Variants in RAB2A observed in about 807,000 individuals in gnomAD.
RAB2A encodes ras-related protein Rab-2A.
RAB2A carries 7 observed loss-of-function variants against 32.5 expected under a neutral mutation model. The observed-to-expected ratio is 0.22, with a 90% CI of 0.12 to 0.40. RAB2A has a LOEUF of 0.40. Among genes scored for constraint, RAB2A ranks in the 10% least tolerant of loss-of-function variants. RAB2A has a pLI of 1.00. For missense variants in RAB2A, 108 were observed against 260.7 expected (o/e 0.41, Z 4.03); for synonymous variants, 79 against 85.2 (o/e 0.93, Z 0.40).
At chr8:60,527,686 C>T (rs972213212) in intron 1 of RAB2A, among the ~76,000 whole-genome samples, 1 of 152,062 alleles carries the variant, frequency 6.6e-6, no homozygotes, top group Admixed American at 6.5e-5. Flanking sequence ...TAGCACTAAC[C>T]AGTGCAAAAA....
At chr8:60,598,936 G>GAAAAAA (rs1491559470) in intron 6 of RAB2A, among the ~76,000 whole-genome samples, 1 of 3,496 alleles carries the variant, frequency 2.9e-4, no homozygotes, top group African/African-American at 6.6e-4. Context: ...GTGCAGTAAA[G>GAAAAAA]CAAAAAAAAA....
chr8:60,556,840 T>G (rs966624438), intron 1 of RAB2A, among the ~76,000 whole-genome samples: 3 of 152,166 alleles, frequency 2.0e-5, no homozygotes, highest in African/African-American at 7.2e-5. Context: ...TACCAAACTC[T>G]TAGATGATTC....
chr8:60,521,900 G>C (rs547289595), intron 1 of RAB2A, among the ~76,000 whole-genome samples: 23 of 152,306 alleles, frequency 1.5e-4, no homozygotes, highest in Admixed American at 5.9e-4. Context: ...GGGATTACAG[G>C]TGTGAGCCAC....
At chr8:60,565,660 A>G (rs897984413) in intron 2 of RAB2A, among the ~76,000 whole-genome samples, 4 of 143,928 alleles carry the variant, frequency 2.8e-5, no homozygotes, top group African/African-American at 1.0e-4. Context: ...AAGCTCTGAA[A>G]AAGTCTCTGT....
chr8:60,572,937 A>G lies in RAB2A; in HGVS notation c.186+824A>G, dbSNP rs118152200. On this transcript the variant is annotated intron_variant, in intron 3 of 7. Coordinates refer to ENST00000262646, the MANE Select transcript of RAB2A (RefSeq NM_002865.3). ...ATTGTAATGGACACTGTATTTTTCC[A>G]AAACAAACAACTACATTTTTCTAGT... Among the ~76,000 whole-genome samples the G allele has an allele frequency of 4.6e-3, 696 of 152,326 alleles. 1 individual carries two copies. The highest frequency in any genetic ancestry group is 7.8e-3 in the Non-Finnish European group (529 of 68,026).
intron 1 of RAB2A, among the ~76,000 whole-genome samples, chr8:60,544,552 CTTT>C (rs35482452): frequency 8.8e-6 from 1 of 114,144 alleles, no homozygotes; most frequent in Non-Finnish European, 1.7e-5. Context: ...TCCCTAGTGC[CTTT>C]TTTTTTTTTT....
chr8:60,526,764 T>C (rs1040731837), intron 1 of RAB2A, among the ~76,000 whole-genome samples: 1 of 151,718 alleles, frequency 6.6e-6, no homozygotes, highest in Non-Finnish European at 1.5e-5. Context: ...CGCTGAGGAG[T>C]TCGAGACCAG....
chr8:60,570,999 A>G (rs1808189804), intron 2 of RAB2A, among the ~76,000 whole-genome samples: 1 of 152,188 alleles, frequency 6.6e-6, no homozygotes, highest in Admixed American at 6.5e-5. Context: ...CTAAATACTG[A>G]TTGAACATAC....
At chr8:60,527,882 G>A (rs117374023) in intron 1 of RAB2A, among the ~76,000 whole-genome samples, 2,007 of 152,204 alleles carry the variant, frequency 0.013, 28 homozygotes, top group Non-Finnish European at 0.021. Flanking sequence ...ATTTTCTCTA[G>A]AGGCATAACT....
At chr8:60,531,798 ATTTTTT>A (rs11320293) in intron 1 of RAB2A, among the ~76,000 whole-genome samples, 1 of 129,726 alleles carries the variant, frequency 7.7e-6, no homozygotes, top group Non-Finnish European at 1.6e-5. Flanking sequence ...TTCTACCTTG[ATTTTTT>A]TTTTTTTTTT....
At chr8:60,604,736 T>C (rs1346640442) in intron 6 of RAB2A, among the ~76,000 whole-genome samples, 1 of 152,166 alleles carries the variant, frequency 6.6e-6, no homozygotes, top group Non-Finnish European at 1.5e-5. Context: ...CGACAAAGCA[T>C]TGAAGATGTG....
chr8:60,526,339 C>G (rs1195297809), intron 1 of RAB2A, among the ~76,000 whole-genome samples: 1 of 152,062 alleles, frequency 6.6e-6, no homozygotes, highest in African/African-American at 2.4e-5. Context: ...ACCCACATCC[C>G]TTGGCCCATG....
chr8:60,580,318 T>C (rs1223303818), intron 3 of RAB2A, among the ~76,000 whole-genome samples: 1 of 152,190 alleles, frequency 6.6e-6, no homozygotes, highest in African/African-American at 2.4e-5. Flanking sequence ...AAAAATCAAA[T>C]TACTTTGCTT....
chr8:60,606,558 C>G (rs1351154517), intron 6 of RAB2A, among the ~76,000 whole-genome samples: 1 of 152,106 alleles, frequency 6.6e-6, no homozygotes, highest in African/African-American at 2.4e-5. Context: ...AATAAAATGC[C>G]CTAGTCTTCC....
At chr8:60,521,913 C>T (rs562395926) in intron 1 of RAB2A, among the ~76,000 whole-genome samples, 9 of 152,240 alleles carry the variant, frequency 5.9e-5, no homozygotes, top group African/African-American at 1.7e-4. Context: ...TGAGCCACCG[C>T]GGCAAGGCAG....
intron 1 of RAB2A, among the ~76,000 whole-genome samples, chr8:60,545,766 T>A (rs1328904394): frequency 6.6e-6 from 1 of 152,168 alleles, no homozygotes; most frequent in Non-Finnish European, 1.5e-5. Flanking sequence ...TTGTATTAAT[T>A]ACAGAGTGGT....
intron 3 of RAB2A, 158 bp from the exon 4 acceptor site, chr8:60,584,050 G>A (rs183876265): frequency 2.1e-4 from 122 of 594,876 alleles, no homozygotes; most frequent in African/African-American, 2.0e-3. Flanking sequence ...GAGCAATAGC[G>A]GTGTTTTGTA....
At chr8:60,560,734 G>GT (rs1356813164) in intron 2 of RAB2A, among the ~76,000 whole-genome samples, 4 of 126,048 alleles carry the variant, frequency 3.2e-5, no homozygotes, top group African/African-American at 1.2e-4. Flanking sequence ...GATTTTTTTT[G>GT]TTTTTTGTTT....
intron 1 of RAB2A, among the ~76,000 whole-genome samples, chr8:60,550,458 C>T (rs985158112): frequency 1.3e-5 from 2 of 148,230 alleles, no homozygotes; most frequent in Admixed American, 6.7e-5. Flanking sequence ...GATCTCGGCT[C>T]GCTGCAACCT....
Sources: allele counts gnomAD v4.1 joint callset (sites outside exome capture counted in the v4.1 genomes callset), GRCh38; gene constraint gnomAD v4.1.1; transcripts MANE v1.5; gene names NCBI Gene and HGNC (gene_info 2026-07-23, HGNC 2026-07-21).